Variants in SORBS2 observed in about 807,000 individuals in gnomAD.
SORBS2 encodes sorbin and SH3 domain containing 2, also known as sorbin and SH3 domain-containing protein 2.
A neutral mutation model predicts 97.7 loss-of-function variants in SORBS2; 46 were observed. That is an observed-to-expected ratio of 0.47 (90% CI 0.37 to 0.60). The LOEUF is 0.60. Ranked by LOEUF, SORBS2 falls within the 20% of genes least tolerant of loss-of-function variation. SORBS2 has a pLI of 0.00. For missense variants in SORBS2, 1,316 were observed against 1,282.3 expected, an observed-to-expected ratio of 1.03 and a Z score of -0.40; for synonymous variants, 476 against 473.4, an observed-to-expected ratio of 1.01 and a Z score of -0.07.
At chr4:185,949,032 G>T (rs1032967121) in intron 1 of SORBS2, among the ~76,000 whole-genome samples, 1 of 151,880 alleles carries the variant, frequency 6.6e-6, no homozygotes, top group Non-Finnish European at 1.5e-5. Context: ...AGAAGAAACA[G>T]GTGCTCTTTA....
chr4:185,879,633 C>T (rs1053693244), intron 1 of SORBS2, among the ~76,000 whole-genome samples: 18 of 152,226 alleles, frequency 1.2e-4, no homozygotes, highest in African/African-American at 4.3e-4. Flanking sequence ...TACAGTCCCA[C>T]CAACAGTGTA....
chr4:185,637,576 A>T (rs561481273), intron 4 of SORBS2, among the ~76,000 whole-genome samples: 1 of 152,104 alleles, frequency 6.6e-6, no homozygotes, highest in Admixed American at 6.5e-5. Context: ...TCTGCCATTT[A>T]CTATTTTGTG....
At chr4:185,624,372 G>T (rs760030259) in exon 7 of SORBS2, 1 of 1,614,174 alleles carries the variant, frequency 6.2e-7, no homozygotes, top group Admixed American at 1.7e-5. Context: ...ATGGCTCTTG[G>T]TGAGTCCCGA....
rs1001720525 is a variant in SORBS2, at chr4:185,898,979, T to C, written c.-338+57217A>G. Among the ~76,000 whole-genome samples the C allele has an allele frequency of 5.3e-5, 8 of 152,286 alleles. No homozygotes were observed. The East Asian group carries it at 5.8e-4, about 11-fold the overall frequency. On this transcript the variant is annotated intron_variant, in intron 1 of 20. Coordinates refer to the SORBS2 transcript ENST00000284776. ...CAAAACCTATCATGCTTTGGTTCAA[T>C]GAGAGATTTTTTTTTTTAAGCTCAT...
At chr4:185,831,536 A>G (rs1561216488) in intron 1 of SORBS2, among the ~76,000 whole-genome samples, 1 of 152,226 alleles carries the variant, frequency 6.6e-6, no homozygotes, top group Non-Finnish European at 1.5e-5. Context: ...TAACAAATGG[A>G]TAGGGCCCTG....
At chr4:185,892,653 T>C (rs1382325603) in intron 1 of SORBS2, among the ~76,000 whole-genome samples, 1 of 152,138 alleles carries the variant, frequency 6.6e-6, no homozygotes, top group Non-Finnish European at 1.5e-5. Context: ...GTGTGCATGG[T>C]GAAGTAAGCC....
intron 12 of SORBS2, among the ~76,000 whole-genome samples, chr4:185,598,860 T>C (rs1211083939): frequency 6.6e-6 from 1 of 151,408 alleles, no homozygotes; most frequent in Non-Finnish European, 1.5e-5. Context: ...TACAAATACA[T>C]AATGTAAAAA....
intron 1 of SORBS2, among the ~76,000 whole-genome samples, chr4:185,854,251 T>C (rs1033013070): frequency 6.6e-6 from 1 of 152,114 alleles, no homozygotes; most frequent in Non-Finnish European, 1.5e-5. Context: ...CTAACAGTAA[T>C]AATTGTTCAT....
At chr4:185,793,566 T>C (rs2099091073) in intron 1 of SORBS2, among the ~76,000 whole-genome samples, 1 of 152,226 alleles carries the variant, frequency 6.6e-6, no homozygotes. Context: ...GATTTTTATT[T>C]ATTTATCTAT....
chr4:185,635,317 G>A, intron 4 of SORBS2, 38 bp downstream of exon 16: 1 of 1,435,376 alleles, frequency 7.0e-7, no homozygotes, highest in South Asian at 1.2e-5. Context: ...CAGCCTCTAA[G>A]GGAGATATCT....
At chr4:185,868,306 G>GCCCA (rs1561251009) in intron 1 of SORBS2, among the ~76,000 whole-genome samples, 3 of 151,606 alleles carry the variant, frequency 2.0e-5, no homozygotes, top group South Asian at 2.1e-4. Flanking sequence ...ACAGGCGTGT[G>GCCCA]CCACCATGCC....
chr4:185,794,316 G>T (rs980398299), intron 1 of SORBS2, among the ~76,000 whole-genome samples: 1 of 152,212 alleles, frequency 6.6e-6, no homozygotes, highest in Non-Finnish European at 1.5e-5. Flanking sequence ...CGGCCCCACT[G>T]ATGAGTGTCT....
At position 185,929,553 on chromosome 4, in the gene SORBS2, G is replaced by C; in HGVS notation, c.-338+26643C>G. ...GGGTTTTTTTTTTTTTTTTGAGACAGAGTCTCACTCTGTTGCTAGACTGGA... is the reference window on the plus strand; with the variant it reads ...GGGTTTTTTTTTTTTTTTTGAGACACAGTCTCACTCTGTTGCTAGACTGGA... On this transcript the variant is annotated intron_variant, in intron 1 of 20. Transcript: ENST00000284776. 1.4e-5 allele frequency among the ~76,000 whole-genome samples: 2 copies of C among 143,610 alleles called. 1 individual carries two copies. The highest frequency in any genetic ancestry group is 6.9e-3 in the Middle Eastern group (2 of 288). The allele number at this position is 143,610 out of a possible 152,430, so 94.2% of individuals were successfully genotyped here.
Position 185,607,736 on chromosome 4 carries a change from C to T in SORBS2, c.2796+4044G>A, listed in dbSNP as rs1056995330. ...TAGAGATGGAGTCTCGCTGTGGCACCCAGGCTGGAGTGCAGTGGTGTGATC... is the reference window on the plus strand; with the variant it reads ...TAGAGATGGAGTCTCGCTGTGGCACTCAGGCTGGAGTGCAGTGGTGTGATC... On this transcript the variant is annotated intron_variant, in intron 12 of 14. Coordinates refer to ENST00000418609, the Ensembl canonical transcript of SORBS2. This position sits in a 1 kb window ranked among gnomAD's most constrained non-coding sequence, Gnocchi z 5.2. Among the ~76,000 whole-genome samples the T allele has an allele frequency of 2.0e-5, 3 of 151,932 alleles. No individual in the cohort carries two copies. The highest frequency in any genetic ancestry group is 4.4e-5 in the Non-Finnish European group (3 of 67,978).
chr4:185,874,794 T>C (rs903053682), intron 1 of SORBS2, among the ~76,000 whole-genome samples: 1 of 150,876 alleles, frequency 6.6e-6, no homozygotes, highest in Non-Finnish European at 1.5e-5. Context: ...GCTCCTAACA[T>C]AGGAACGAGG....
At chr4:185,831,741 C>A (rs371909017) in intron 1 of SORBS2, among the ~76,000 whole-genome samples, 40 of 152,300 alleles carry the variant, frequency 2.6e-4, no homozygotes, top group African/African-American at 8.4e-4. Flanking sequence ...AAGGACAGTT[C>A]TCTTGACTCC....
chr4:185,602,988 GTA>G (rs2096301027), intron 12 of SORBS2, among the ~76,000 whole-genome samples: 1 of 152,212 alleles, frequency 6.6e-6, no homozygotes, highest in Non-Finnish European at 1.5e-5. Context: ...TTAGTCAGAA[GTA>G]TCTCATGTGG....
intron 2 of SORBS2, among the ~76,000 whole-genome samples, chr4:185,770,695 TA>T (rs74963013): frequency 0.19 from 27,908 of 150,018 alleles, 2,751 homozygotes; most frequent in Middle Eastern, 0.27. Flanking sequence ...AACACTGATT[TA>T]AAAAAAAAAT....
At chr4:185,832,146 C>T (rs1228239659) in intron 1 of SORBS2, among the ~76,000 whole-genome samples, 1 of 152,152 alleles carries the variant, frequency 6.6e-6, no homozygotes, top group Non-Finnish European at 1.5e-5. Context: ...TGCACTTATG[C>T]CATGATAGAT....
Sources: gnomAD v4.1 joint callset for allele counts (sites outside exome capture counted in the v4.1 genomes callset) on GRCh38, gnomAD v4.1.1 for gene constraint, Gnocchi (gnomAD v3.1) non-coding constraint, MANE v1.5 for transcripts, NCBI Gene and HGNC (gene_info 2026-07-23, HGNC 2026-07-21) for gene names.